Variants in CATSPERT observed in about 807,000 individuals in gnomAD.
CATSPERT encodes the protein cation channel sperm-associated targeting subunit tau.
the CATSPERT span, among the ~76,000 whole-genome samples, chr2:201,598,611 T>C: frequency 6.6e-6 from 1 of 152,052 alleles, no homozygotes; most frequent in African/African-American, 2.4e-5. Context: ...TTTTTTGGTC[T>C]CACTTTGTTG....
At chr2:201,555,823 AC>A in the CATSPERT span, 1 of 152,224 alleles carries the variant, frequency 6.6e-6, no homozygotes, top group Non-Finnish European at 1.5e-5. Flanking sequence ...ATGTGTAGTC[AC>A]AGCACCATTT....
the CATSPERT span, among the ~76,000 whole-genome samples, chr2:201,568,614 T>C: frequency 1.5e-4 from 23 of 152,260 alleles, no homozygotes; most frequent in East Asian, 3.9e-3. Context: ...TTCTCTAATA[T>C]CCATCTGTCT....
the CATSPERT span, among the ~76,000 whole-genome samples, chr2:201,598,774 T>C: frequency 6.6e-6 from 1 of 151,898 alleles, no homozygotes; most frequent in Admixed American, 6.6e-5. Flanking sequence ...TAGAGACGGG[T>C]TTCACCATGT....
the CATSPERT span, among the ~76,000 whole-genome samples, chr2:201,511,218 T>G: frequency 4.1e-3 from 630 of 152,336 alleles, 10 homozygotes; most frequent in African/African-American, 0.014. Context: ...AAGCATAATC[T>G]GGCAGTATCA....
the CATSPERT span, among the ~76,000 whole-genome samples, chr2:201,607,189 G>A: frequency 6.6e-6 from 1 of 152,124 alleles, no homozygotes; most frequent in East Asian, 1.9e-4. Context: ...CGATCTTTCG[G>A]ATTTGGGTAA....
At chr2:201,587,249 A>T in the CATSPERT span, among the ~76,000 whole-genome samples, 2 of 151,958 alleles carry the variant, frequency 1.3e-5, no homozygotes, top group Non-Finnish European at 2.9e-5. Flanking sequence ...TTTTGGATAA[A>T]TTTTTTTAAT....
the CATSPERT span, among the ~76,000 whole-genome samples, chr2:201,598,421 G>A: frequency 4.0e-5 from 6 of 149,326 alleles, no homozygotes; most frequent in Non-Finnish European, 8.9e-5. Flanking sequence ...ATTTTGTTTT[G>A]TTTTTAAGAA....
chr2:201,491,764 G>A, the CATSPERT span: 409 of 1,536,982 alleles, frequency 2.7e-4, 1 homozygote, highest in African/African-American at 4.7e-3. Context: ...TCTATCAAGG[G>A]ACTTCATTTT....
At chr2:201,605,794 T>G in the CATSPERT span, among the ~76,000 whole-genome samples, 1 of 152,338 alleles carries the variant, frequency 6.6e-6, no homozygotes, top group East Asian at 1.9e-4. Flanking sequence ...GAGATGTTTT[T>G]AAGCCTACAA....
the CATSPERT span, among the ~76,000 whole-genome samples, chr2:201,580,692 G>A: frequency 6.6e-6 from 1 of 152,120 alleles, no homozygotes; most frequent in Non-Finnish European, 1.5e-5. Flanking sequence ...CTTGCTGTAT[G>A]TAACAAAAAA....
At chr2:201,498,218 C>G in the CATSPERT span, among the ~76,000 whole-genome samples, 1 of 152,080 alleles carries the variant, frequency 6.6e-6, no homozygotes, top group Non-Finnish European at 1.5e-5. Flanking sequence ...AAGAGAGAAG[C>G]CAGTAGTGGC....
chr2:201,533,987 T>TGGAGAA, the CATSPERT span, among the ~76,000 whole-genome samples: 1 of 152,014 alleles, frequency 6.6e-6, no homozygotes, highest in African/African-American at 2.4e-5. Flanking sequence ...AGAAGCCCCA[T>TGGAGAA]GGAGAAGGAG....
At chr2:201,588,475 T>C in the CATSPERT span, among the ~76,000 whole-genome samples, 3 of 148,116 alleles carry the variant, frequency 2.0e-5, no homozygotes, top group African/African-American at 5.0e-5. Context: ...CTCAATAAAC[T>C]AGGTATTGAA....
chr2:201,566,474 C>T, the CATSPERT span, among the ~76,000 whole-genome samples: 6 of 150,990 alleles, frequency 4.0e-5, no homozygotes, highest in Admixed American at 2.0e-4. Context: ...TTTGTCCTTG[C>T]GATAGTTTGC....
At chr2:201,604,558 A>T in the CATSPERT span, 1 of 1,217,252 alleles carries the variant, frequency 8.2e-7, no homozygotes, top group African/African-American at 1.6e-5. Flanking sequence ...ATACTGTTTG[A>T]TTATCAAATA....
At chr2:201,534,598 C>T in the CATSPERT span, 1 of 985,150 alleles carries the variant, frequency 1.0e-6, no homozygotes, top group African/African-American at 1.7e-5. Flanking sequence ...GCAGGGAAAA[C>T]CAAAATGACT....
At chr2:201,553,774 C>T in the CATSPERT span, 2 of 152,156 alleles carry the variant, frequency 1.3e-5, no homozygotes, top group African/African-American at 4.8e-5. Context: ...CACAACTAAA[C>T]ATCTATACAG....
the CATSPERT span, chr2:201,537,389 C>T: frequency 7.1e-7 from 1 of 1,414,196 alleles, no homozygotes; most frequent in South Asian, 1.3e-5. Context: ...TATTTTATCC[C>T]TTTATAAAAT....
chr2:201,598,820 A>G, the CATSPERT span, among the ~76,000 whole-genome samples: 1 of 152,014 alleles, frequency 6.6e-6, no homozygotes, highest in South Asian at 2.1e-4. Flanking sequence ...ACCTTAAGTG[A>G]TCTGCTCTCC....
Sources: allele counts gnomAD v4.1 joint callset (sites outside exome capture counted in the v4.1 genomes callset), GRCh38; gene constraint gnomAD v4.1.1; transcripts MANE v1.5; gene names NCBI Gene and HGNC (gene_info 2026-07-23, HGNC 2026-07-21).